The following SDC2 variants were observed in gnomAD, a reference collection of about 807,000 sequenced individuals.
The protein encoded by SDC2 is syndecan-2.
A neutral mutation model predicts 22.2 loss-of-function variants in SDC2; 13 were observed. The ratio of observed to expected loss-of-function variants is 0.59; its 90% confidence interval spans 0.38 to 0.93. The LOEUF is 0.93. Among genes scored for constraint, SDC2 ranks in the 40% least tolerant of loss-of-function variants. SDC2 has a pLI of 0.00. For synonymous variants in SDC2, 94 were observed against 92.8 expected (o/e 1.01, Z -0.07); for missense variants, 235 against 246.8 (o/e 0.95, Z 0.32).
intron 1 of SDC2, among the ~76,000 whole-genome samples, chr8:96,590,621 G>C (rs765692386): frequency 1.3e-5 from 2 of 152,010 alleles, no homozygotes. Context: ...TGTCATGAGC[G>C]CAGGGGTTTT....
chr8:96,560,624 T>G (rs1200841298), intron 1 of SDC2, among the ~76,000 whole-genome samples: 2 of 152,196 alleles, frequency 1.3e-5, no homozygotes, highest in Non-Finnish European at 2.9e-5. Context: ...GAAGGAGTTT[T>G]TCTGAATTTC....
intron 1 of SDC2, among the ~76,000 whole-genome samples, chr8:96,591,083 A>G (rs16894819): frequency 0.089 from 13,598 of 152,234 alleles, 688 homozygotes; most frequent in East Asian, 0.21. Flanking sequence ...TTTTTGGCCC[A>G]TCTGCCTGGT....
At chr8:96,606,906 C>T (rs372967112) in intron 3 of SDC2, among the ~76,000 whole-genome samples, 47 of 152,268 alleles carry the variant, frequency 3.1e-4, no homozygotes, top group African/African-American at 9.9e-4. Flanking sequence ...GTTCCCCACC[C>T]GCTTCTGGGG....
At chr8:96,567,966 C>T (rs867083164) in intron 1 of SDC2, among the ~76,000 whole-genome samples, 1 of 152,102 alleles carries the variant, frequency 6.6e-6, no homozygotes, top group Middle Eastern at 3.2e-3. Flanking sequence ...TCATTTGAAC[C>T]CAGGTCTGCT....
intron 1 of SDC2, among the ~76,000 whole-genome samples, chr8:96,575,706 T>G (rs569646281): frequency 1.3e-5 from 2 of 152,334 alleles, no homozygotes; most frequent in East Asian, 1.9e-4. Flanking sequence ...GGCAAGGTTT[T>G]GTTTCCTGGG....
At chr8:96,596,695 C>A (rs894046351) in intron 2 of SDC2, among the ~76,000 whole-genome samples, 1 of 152,190 alleles carries the variant, frequency 6.6e-6, no homozygotes, top group Non-Finnish European at 1.5e-5. Flanking sequence ...TTAAAGATGG[C>A]AGATCGAACA....
chr8:96,504,905 A>G (rs922296936), intron 1 of SDC2, among the ~76,000 whole-genome samples: 3 of 152,058 alleles, frequency 2.0e-5, no homozygotes, highest in Non-Finnish European at 2.9e-5. Flanking sequence ...GCCGTTTTAT[A>G]AGATTTGGGT....
intron 1 of SDC2, among the ~76,000 whole-genome samples, chr8:96,577,817 G>A (rs759638859): frequency 6.6e-6 from 1 of 152,186 alleles, no homozygotes; most frequent in South Asian, 2.1e-4. Flanking sequence ...AACATGTTGT[G>A]TATTTGGAAT....
At chr8:96,516,994 T>C (rs907892938) in intron 1 of SDC2, among the ~76,000 whole-genome samples, 3 of 152,330 alleles carry the variant, frequency 2.0e-5, no homozygotes, top group Admixed American at 2.0e-4. Flanking sequence ...ATGGTAACTC[T>C]GTATAACATT....
intron 1 of SDC2, among the ~76,000 whole-genome samples, chr8:96,538,093 G>A (rs1813783224): frequency 6.6e-6 from 1 of 152,196 alleles, no homozygotes; most frequent in South Asian, 2.1e-4. Flanking sequence ...CTCCTGAGTA[G>A]CTGGGATTAC....
intron 1 of SDC2, among the ~76,000 whole-genome samples, chr8:96,520,701 G>A (rs187937899): frequency 6.6e-6 from 1 of 152,306 alleles, no homozygotes; most frequent in Admixed American, 6.5e-5. Flanking sequence ...AACAGGCCTG[G>A]TGCCAGGCAA....
chr8:96,580,406 A>G (rs1326895721), intron 1 of SDC2: 5 of 985,334 alleles, frequency 5.1e-6, no homozygotes, highest in Non-Finnish European at 6.0e-6. Context: ...GGATAATGCA[A>G]CCGATAGCTC....
chr8:96,508,450 G>T (rs1387822944), intron 1 of SDC2, among the ~76,000 whole-genome samples: 1 of 151,714 alleles, frequency 6.6e-6, no homozygotes, highest in African/African-American at 2.4e-5. Flanking sequence ...CAGAGATTGA[G>T]CCACTGCACT....
Position 96,494,284 on chromosome 8 carries a change from T to G in SDC2, c.13T>G (p.Trp5Gly). 1 of 1,546,910 alleles carries G rather than the reference T, an allele frequency of 6.5e-7. No individual in the cohort carries two copies. Among genetic ancestry groups the G allele is most frequent in the Non-Finnish European group, 8.7e-7 (1 of 1,149,642 alleles). Residue 5 changes from tryptophan to glycine, a missense_variant, in exon 1 of 5, where the codon TGG becomes GGG. Coordinates refer to ENST00000302190, the MANE Select transcript of SDC2 (RefSeq NM_002998.4). ...GTCCCTGGGGAATATGCGGCGCGCG[T>G]GGATCCTGCTCACCTTGGGCTTGGT... MRRA[W>G]ILLTLGLVAC... is the part of the protein sequence containing the mutation.
At chr8:96,531,245 A>G (rs994041563) in intron 1 of SDC2, among the ~76,000 whole-genome samples, 2 of 152,272 alleles carry the variant, frequency 1.3e-5, no homozygotes, top group African/African-American at 2.4e-5. Context: ...TGAGCATTTC[A>G]GAAACTGGAG....
At chr8:96,548,466 T>G (rs185991723) in intron 1 of SDC2, among the ~76,000 whole-genome samples, 5 of 152,322 alleles carry the variant, frequency 3.3e-5, no homozygotes, top group African/African-American at 1.2e-4. Context: ...TCAAAATGTT[T>G]CCCCAGACAT....
chr8:96,558,823 G>A (rs1044802193), intron 1 of SDC2, among the ~76,000 whole-genome samples: 1 of 152,118 alleles, frequency 6.6e-6, no homozygotes, highest in Admixed American at 6.6e-5. Context: ...TTGAATATGT[G>A]TGTGTGTGTG....
chr8:96,499,812 G>A (rs1020548440), intron 1 of SDC2, among the ~76,000 whole-genome samples: 4 of 149,808 alleles, frequency 2.7e-5, no homozygotes, highest in East Asian at 2.0e-4. Flanking sequence ...CATGTCAGAT[G>A]TTCTTACCTC....
At chr8:96,530,536 A>T (rs755340834) in intron 1 of SDC2, among the ~76,000 whole-genome samples, 1 of 152,196 alleles carries the variant, frequency 6.6e-6, no homozygotes, top group Non-Finnish European at 1.5e-5. Flanking sequence ...TGGGAGGCTG[A>T]GGCAGGAGAA....
Sources: gnomAD v4.1 joint callset for allele counts (sites outside exome capture counted in the v4.1 genomes callset) on GRCh38, gnomAD v4.1.1 for gene constraint, MANE v1.5 for transcripts, NCBI Gene and HGNC (gene_info 2026-07-23, HGNC 2026-07-21) for gene names.